Variants in PRORP observed in about 807,000 individuals in gnomAD.
The protein encoded by PRORP is mitochondrial ribonuclease P catalytic subunit.
In PRORP, 51 loss-of-function variants were observed where a neutral mutation model predicts 59.4. That is an observed-to-expected ratio of 0.86 (90% CI 0.69 to 1.08). The LOEUF (loss-of-function observed/expected upper bound fraction) is 1.08. PRORP is among the 50% of genes least tolerant of loss of function. The pLI is 0.00. For synonymous variants in PRORP, 231 were observed against 245.6 expected, an observed-to-expected ratio of 0.94 and a Z score of 0.55; for missense variants, 646 against 690.3, an observed-to-expected ratio of 0.94 and a Z score of 0.72.
intron 5 of PRORP, among the ~76,000 whole-genome samples, chr14:35,218,505 G>A (rs1242842988): frequency 2.2e-4 from 17 of 77,430 alleles, no homozygotes; most frequent in Admixed American, 4.5e-4. Flanking sequence ...AAACACAACA[G>A]AACACTGATT....
At chr14:35,200,245 T>A (rs937184983) in intron 5 of PRORP, among the ~76,000 whole-genome samples, 2 of 152,140 alleles carry the variant, frequency 1.3e-5, no homozygotes, top group African/African-American at 4.8e-5. Flanking sequence ...CAGGCTAGAG[T>A]GCTGTGGCAC....
chr14:35,142,288 A>C (rs2047498869), intron 4 of PRORP, among the ~76,000 whole-genome samples: 1 of 142,682 alleles, frequency 7.0e-6, no homozygotes, highest in Non-Finnish European at 1.5e-5. Flanking sequence ...GTGCTGGGAT[A>C]ATAAGTGTGA....
At chr14:35,165,284 G>A (rs2048155809) in intron 4 of PRORP, among the ~76,000 whole-genome samples, 1 of 151,542 alleles carries the variant, frequency 6.6e-6, no homozygotes, top group African/African-American at 2.4e-5. Flanking sequence ...AGTAGCTGGG[G>A]TCCAGCTTGA....
intron 5 of PRORP, among the ~76,000 whole-genome samples, chr14:35,194,685 A>G (rs1313031733): frequency 6.6e-6 from 1 of 152,186 alleles, no homozygotes; most frequent in Non-Finnish European, 1.5e-5. Context: ...AGTATAATTA[A>G]TTAATTTTTT....
chr14:35,142,607 C>T lies in PRORP; in HGVS notation c.1167+14996C>T, dbSNP rs188393454. The stretch of plus-strand genomic sequence containing the variant: ...CTGTAATCCTAGCACTTTGGGAGGC[C>T]GAGGTGGGTGGATTGCCTGAGCTCA... On this transcript the variant is annotated intron_variant, in intron 4 of 7. Coordinates refer to ENST00000534898, the MANE Select transcript of PRORP (RefSeq NM_014672.4). 2.7e-3 allele frequency among the ~76,000 whole-genome samples: 392 copies of T among 143,942 alleles called. 13 individuals carry two copies. Among genetic ancestry groups the T allele is most frequent in the African/African-American group, 8.5e-3 (348 of 40,868 alleles). The allele number at this position is 143,942 out of a possible 152,430, so 94.4% of individuals were successfully genotyped here. A position where few individuals can be genotyped will look rare whatever the true frequency, so the allele number is the denominator to read the frequency against.
intron 4 of PRORP, among the ~76,000 whole-genome samples, chr14:35,142,158 C>T (rs1027590228): frequency 2.1e-5 from 3 of 143,450 alleles, no homozygotes; most frequent in Non-Finnish European, 3.1e-5. Flanking sequence ...GGATTACAGG[C>T]GTGAGCCACC....
At chr14:35,210,944 ATT>A (rs953593884) in intron 5 of PRORP, among the ~76,000 whole-genome samples, 2 of 150,828 alleles carry the variant, frequency 1.3e-5, no homozygotes, top group African/African-American at 4.9e-5. Flanking sequence ...TTTAAAAATT[ATT>A]TTTTTGTAGA....
chr14:35,256,412 G>T lies in PRORP; in HGVS notation c.1276-10315G>T, dbSNP rs1242463648. Among the ~76,000 whole-genome samples, 4 of 125,174 alleles carry T rather than the reference G, an allele frequency of 3.2e-5. No individual in the cohort carries two copies. In the South Asian group the frequency reaches 1.1e-3, roughly 35 times the overall value. 82.1% of individuals were successfully genotyped at this position (125,174 alleles called of 152,430 possible). A position where few individuals can be genotyped will look rare whatever the true frequency, so the allele number is the denominator to read the frequency against. The stretch of plus-strand genomic sequence containing the variant: ...AGTGGTGCAATCTCAGCTCACTGCA[G>T]CCTCCGCCTCCTGGGCTTAAGCGAT... On this transcript the variant is annotated intron_variant, in intron 5 of 7. Coordinates refer to ENST00000534898, the MANE Select transcript of PRORP (RefSeq NM_014672.4).
At chr14:35,227,157 A>G (rs2049955153) in intron 5 of PRORP, among the ~76,000 whole-genome samples, 1 of 151,738 alleles carries the variant, frequency 6.6e-6, no homozygotes. Context: ...CTTAAAAGTT[A>G]TGTTAGCCAG....
At chr14:35,246,745 A>G (rs2050495411) in intron 5 of PRORP, among the ~76,000 whole-genome samples, 1 of 152,174 alleles carries the variant, frequency 6.6e-6, no homozygotes, top group Non-Finnish European at 1.5e-5. Context: ...TTCTACTCCT[A>G]CCAAGTGTTG....
At chr14:35,266,013 CAAAAAAA>C (rs35304125) in intron 5 of PRORP, among the ~76,000 whole-genome samples, 14 of 117,118 alleles carry the variant, frequency 1.2e-4, no homozygotes, top group African/African-American at 2.8e-4. Context: ...CCATCTCTAC[CAAAAAAA>C]AAAAAAAAAA....
At chr14:35,171,429 TTTG>T (rs1178729580) in intron 4 of PRORP, among the ~76,000 whole-genome samples, 7 of 152,224 alleles carry the variant, frequency 4.6e-5, no homozygotes, top group East Asian at 1.9e-4. Flanking sequence ...AAAGCAGTTT[TTTG>T]TTGTTGTTAT....
chr14:35,198,427 A>G (rs2049059956), intron 5 of PRORP, among the ~76,000 whole-genome samples: 1 of 152,190 alleles, frequency 6.6e-6, no homozygotes, highest in African/African-American at 2.4e-5. Context: ...TTCTGAAAGT[A>G]CTAAACAGGC....
rs1227090122 is a variant in PRORP, at chr14:35,123,864, A to G, written c.619A>G (p.Thr207Ala). ...VFEIMKARYKTLEPRGYSLLI... is the reference protein window; with the variant it reads ...VFEIMKARYKALEPRGYSLLI... ...TGAAATTATGAAAGCCAGATATAAG[A>G]CTTTAGAACCTAGAGGTTACAGTCT... is the stretch of plus-strand genomic sequence containing the variant. The change falls in exon 2 of 8, where the codon ACT becomes GCT. Residue 207 changes from threonine (T) to alanine (A), a missense_variant. Coordinates refer to ENST00000534898, the MANE Select transcript of PRORP (RefSeq NM_014672.4). 6.2e-7 allele frequency: 1 copy of G among 1,613,962 alleles called. No homozygotes were observed. Among genetic ancestry groups the G allele is most frequent in the Admixed American group, 1.7e-5 (1 of 59,968 alleles).
chr14:35,196,453 C>T (rs192158163), intron 5 of PRORP, among the ~76,000 whole-genome samples: 7 of 152,282 alleles, frequency 4.6e-5, no homozygotes, highest in Admixed American at 3.3e-4. Flanking sequence ...GCCGTGATTG[C>T]GCTGATGCAC....
intron 4 of PRORP, among the ~76,000 whole-genome samples, chr14:35,151,343 A>C (rs539617559): frequency 1.3e-5 from 2 of 152,216 alleles, no homozygotes; most frequent in South Asian, 4.2e-4. Flanking sequence ...GAAGACAGAC[A>C]GCTTACTTCT....
At chr14:35,190,347 G>A (rs2048852300) in intron 5 of PRORP, among the ~76,000 whole-genome samples, 1 of 151,280 alleles carries the variant, frequency 6.6e-6, no homozygotes, top group Non-Finnish European at 1.5e-5. Flanking sequence ...GCAGTGAGTC[G>A]AGATCGAGCC....
chr14:35,270,496 G>T lies in PRORP; in HGVS notation c.1520G>T (p.Cys507Phe), dbSNP rs1316981359. 2 of 1,614,072 alleles carry T rather than the reference G, an allele frequency of 1.2e-6. No homozygotes were observed. Among genetic ancestry groups the T allele is most frequent in the Admixed American group, 1.7e-5 (1 of 60,010 alleles). Residue 507 changes from cysteine to phenylalanine, a missense_variant, in exon 7 of 8, where the codon TGT becomes TTT. Transcript: ENST00000534898. ...GACCTGATGCGGGACCACAAGGCCT[G>T]TCTGCCTGATGCCAAGACCCAACGC... is the stretch of plus-strand genomic sequence containing the variant. ...TRDLMRDHKA[C>F]LPDAKTQRLF...
At chr14:35,139,895 CA>C (rs1242153328) in intron 4 of PRORP, among the ~76,000 whole-genome samples, 1 of 145,770 alleles carries the variant, frequency 6.9e-6, no homozygotes, top group African/African-American at 2.4e-5. Flanking sequence ...CTTCAGAAGC[CA>C]GATCCTGGCA....
Sources: allele counts gnomAD v4.1 joint callset (sites outside exome capture counted in the v4.1 genomes callset), GRCh38; gene constraint gnomAD v4.1.1; transcripts MANE v1.5; gene names NCBI Gene and HGNC (gene_info 2026-07-23, HGNC 2026-07-21).